Variants in LEKR1 observed in about 807,000 individuals in gnomAD.
LEKR1 encodes protein LEKR1.
LEKR1 carries 59 observed loss-of-function variants against 72.4 expected under a neutral mutation model. The observed-to-expected ratio is 0.82, with a 90% confidence interval of 0.66 to 1.01. The LOEUF (loss-of-function observed/expected upper bound fraction) is 1.01. Among genes scored for constraint, LEKR1 ranks in the 50% least tolerant of loss-of-function variants. The probability of loss-of-function intolerance (pLI) is 0.00; values close to 1 mark genes in which losing one functional copy is unlikely to be tolerated. For synonymous variants in LEKR1, 257 were observed against 263.2 expected (o/e 0.98, Z 0.23); for missense variants, 728 against 759.2 (o/e 0.96, Z 0.48).
At chr3:156,865,283 G>A (rs1717179370) in intron 3 of LEKR1, among the ~76,000 whole-genome samples, 3 of 151,924 alleles carry the variant, frequency 2.0e-5, no homozygotes, top group South Asian at 4.1e-4. Context: ...GCTTGGACTT[G>A]GGCAAATTAC....
At chr3:156,899,777 CATATATACACAT>C (rs1344108532) in intron 3 of LEKR1, among the ~76,000 whole-genome samples, 11 of 89,214 alleles carry the variant, frequency 1.2e-4, no homozygotes, top group East Asian at 9.2e-4. Context: ...CATATATACA[CATATATACACAT>C]ATATACATGT....
chr3:156,901,522 G>A (rs1722033083), intron 3 of LEKR1, among the ~76,000 whole-genome samples: 1 of 152,124 alleles, frequency 6.6e-6, no homozygotes, highest in Admixed American at 6.6e-5. Context: ...TTGAGTGAAT[G>A]ATTTTTAGTT....
chr3:156,876,485 T>C (rs1306715627), intron 3 of LEKR1, among the ~76,000 whole-genome samples: 1 of 152,148 alleles, frequency 6.6e-6, no homozygotes, highest in Non-Finnish European at 1.5e-5. Flanking sequence ...ATTTGTGTTG[T>C]CTGTGATTTC....
At chr3:156,977,908 AC>A (rs1156846547) in intron 6 of LEKR1, 1 of 162,610 alleles carries the variant, frequency 6.1e-6, no homozygotes, top group Non-Finnish European at 1.4e-5. Flanking sequence ...CACACTTTTT[AC>A]ATGTACATTT....
chr3:157,009,309 T>G (rs1005252860), intron 9 of LEKR1, among the ~76,000 whole-genome samples: 1 of 152,186 alleles, frequency 6.6e-6, no homozygotes, highest in African/African-American at 2.4e-5. Flanking sequence ...TATTTTGTAC[T>G]AGATTTTCAA....
intron 9 of LEKR1, among the ~76,000 whole-genome samples, chr3:157,011,025 T>TATTG (rs1267883352): frequency 6.6e-6 from 1 of 152,094 alleles, no homozygotes; most frequent in Non-Finnish European, 1.5e-5. Context: ...AGAAACCAAA[T>TATTG]ATTGTCTGGT....
intron 3 of LEKR1, chr3:156,888,217 A>G: frequency 1.5e-6 from 1 of 675,890 alleles, no homozygotes; most frequent in East Asian, 2.7e-5. Flanking sequence ...AAAGTAAAGT[A>G]AAGCAGTTGG....
rs554713565 is a variant in LEKR1, at chr3:156,965,779, G to A, written c.746-13415G>A. ...AGTTTTGTATTACCACTTGAGCTTT[G>A]AAAAATGTTTGCTAAAGTTAAAATA... On this transcript the variant is annotated intron_variant, in intron 6 of 12. Coordinates refer to ENST00000356539, the MANE Select transcript of LEKR1 (RefSeq NM_001004316.3). Among the ~76,000 whole-genome samples the A allele has an allele frequency of 2.1e-4, 32 of 152,238 alleles. 1 individual carries two copies. In the South Asian group the frequency reaches 6.4e-3, roughly 31 times the overall value.
chr3:156,867,673 A>C (rs969807019), intron 3 of LEKR1, among the ~76,000 whole-genome samples: 4 of 151,992 alleles, frequency 2.6e-5, no homozygotes, highest in Admixed American at 6.6e-5. Flanking sequence ...CATGCAGCAA[A>C]TAGGTATATA....
chr3:156,840,423 A>C (rs1284734468), intron 2 of LEKR1, among the ~76,000 whole-genome samples: 1 of 152,228 alleles, frequency 6.6e-6, no homozygotes, highest in Non-Finnish European at 1.5e-5. Context: ...CTTGCAATCC[A>C]TACATTGTTA....
Position 156,927,601 on chromosome 3 carries a change from A to T in LEKR1, c.556A>T (p.Thr186Ser). ...TAAATCTATAAGTGAAACAGCCTTG[A>T]CAGGTTTGTTACATATATTTAGAAT... Reference protein sequence around the residue: ...QIKSISETALTEIDILNKSLT... With the variant: ...QIKSISETALSEIDILNKSLT... The change falls in exon 5 of 13, where the codon ACA becomes TCA. Residue 186 changes from threonine (T) to serine (S), a missense_variant. By Grantham distance (58) the Thr-to-Ser change is moderately conservative (BLOSUM62 1). Coordinates refer to ENST00000356539, the MANE Select transcript of LEKR1 (RefSeq NM_001004316.3). 8.2e-7 allele frequency: 1 copy of T among 1,212,782 alleles called. No homozygotes were observed. The highest frequency in any genetic ancestry group is 1.5e-5 in the South Asian group (1 of 67,838). 75.1% of individuals were successfully genotyped at this position (1,212,782 alleles called of 1,614,324 possible). A position where few individuals can be genotyped will look rare whatever the true frequency, so the allele number is the denominator to read the frequency against.
At chr3:156,899,333 CATAT>C (rs199780657) in intron 3 of LEKR1, among the ~76,000 whole-genome samples, 4 of 119,070 alleles carry the variant, frequency 3.4e-5, no homozygotes, top group East Asian at 4.3e-4. Context: ...TACATATATA[CATAT>C]ATACACATAT....
intron 3 of LEKR1, among the ~76,000 whole-genome samples, chr3:156,877,537 T>G (rs1361190100): frequency 6.6e-6 from 1 of 152,140 alleles, no homozygotes; most frequent in East Asian, 1.9e-4. Flanking sequence ...CTTCCTAATT[T>G]AATTTGAGAG....
In LEKR1 at chr3:156,997,573, C is replaced by G. The variant is rs147360414; in HGVS notation, c.1109+4296C>G. ...GAAGTATTACAACCAACCAGGCTACCAGATGTGCTCACCAAAGGCCAGAGC... is the reference window on the plus strand; with the variant it reads ...GAAGTATTACAACCAACCAGGCTACGAGATGTGCTCACCAAAGGCCAGAGC... On this transcript the variant is annotated intron_variant, in intron 9 of 12. Transcript: ENST00000356539. 2.8e-4 allele frequency among the ~76,000 whole-genome samples: 42 copies of G among 152,292 alleles called. No individual in the cohort carries two copies. In the East Asian group the frequency reaches 7.9e-3, roughly 29 times the overall value.
intron 6 of LEKR1, 93 bp downstream of exon 6, chr3:156,942,807 G>T: frequency 1.8e-6 from 1 of 544,646 alleles, no homozygotes; most frequent in Non-Finnish European, 2.8e-6. Context: ...ACAAAATCTT[G>T]TTTTAATTAT....
At chr3:156,876,132 G>A (rs116690316) in intron 3 of LEKR1, among the ~76,000 whole-genome samples, 26 of 152,068 alleles carry the variant, frequency 1.7e-4, no homozygotes, top group African/African-American at 6.3e-4. Context: ...TTGAAAATCA[G>A]GTGGCTGTAA....
At chr3:157,037,293 G>GT (rs1429480816) in intron 12 of LEKR1, among the ~76,000 whole-genome samples, 1 of 152,080 alleles carries the variant, frequency 6.6e-6, no homozygotes, top group Non-Finnish European at 1.5e-5. Flanking sequence ...TTTTTTCATT[G>GT]TGAGTTTTAG....
chr3:156,859,127 A>G (rs577609526), intron 3 of LEKR1, among the ~76,000 whole-genome samples: 2 of 152,320 alleles, frequency 1.3e-5, no homozygotes, highest in East Asian at 3.9e-4. Context: ...ATAACTTTGT[A>G]ATAGATCCAT....
chr3:157,002,807 C>T (rs1297603758), intron 9 of LEKR1, among the ~76,000 whole-genome samples: 1 of 152,100 alleles, frequency 6.6e-6, no homozygotes, highest in African/African-American at 2.4e-5. Flanking sequence ...GAATAATTAT[C>T]ACTTCATTAA....
Sources: gnomAD v4.1 joint callset for allele counts (sites outside exome capture counted in the v4.1 genomes callset) on GRCh38, gnomAD v4.1.1 for gene constraint, MANE v1.5 for transcripts, NCBI Gene and HGNC (gene_info 2026-07-23, HGNC 2026-07-21) for gene names.